MSRA: variants seen among roughly 807,000 people sequenced by gnomAD.
MSRA encodes methionine sulfoxide reductase A.
In MSRA, 54 loss-of-function variants were observed where a neutral mutation model predicts 31.3. The ratio of observed to expected loss-of-function variants is 1.73; its 90% confidence interval spans 1.39 to 2.17. The LOEUF (loss-of-function observed/expected upper bound fraction) is 2.17, where lower values mean the gene tolerates loss of function less well. Ranked by LOEUF, MSRA falls within the 30% of genes most tolerant of loss-of-function variation. MSRA has a pLI of 0.00. For synonymous variants in MSRA, 169 were observed against 116.5 expected (o/e 1.45, Z -2.90); for missense variants, 507 against 300.9 (o/e 1.69, Z -5.07).
chr8:10,381,656 T>C (rs1376708601), intron 5 of MSRA, among the ~76,000 whole-genome samples: 1 of 152,208 alleles, frequency 6.6e-6, no homozygotes, highest in Non-Finnish European at 1.5e-5. Context: ...TTTCAGGAGT[T>C]GCTAGACTGA....
chr8:10,144,375 G>C (rs1353425925), intron 1 of MSRA, among the ~76,000 whole-genome samples: 2 of 151,190 alleles, frequency 1.3e-5, no homozygotes, highest in Non-Finnish European at 2.9e-5. Flanking sequence ...CTGAGTTTCA[G>C]TACCTAAAAC....
chr8:10,286,055 T>C (rs561578446), intron 3 of MSRA, among the ~76,000 whole-genome samples: 13 of 152,206 alleles, frequency 8.5e-5, no homozygotes, highest in African/African-American at 2.9e-4. Context: ...GGGGTTCTGA[T>C]ACTGTGGGCA....
At chr8:10,252,372 A>G (rs1334134032) in intron 3 of MSRA, among the ~76,000 whole-genome samples, 3 of 152,134 alleles carry the variant, frequency 2.0e-5, no homozygotes, top group African/African-American at 4.8e-5. Context: ...AAGAGATCAT[A>G]GTTTTGTCAT....
At chr8:10,294,992 C>G (rs1234568845) in intron 3 of MSRA, among the ~76,000 whole-genome samples, 1 of 152,086 alleles carries the variant, frequency 6.6e-6, no homozygotes, top group Admixed American at 6.5e-5. Flanking sequence ...TGCTGAGAGA[C>G]CAAAGAATGA....
At chr8:10,072,652 C>T (rs982810843) in intron 1 of MSRA, among the ~76,000 whole-genome samples, 2 of 152,164 alleles carry the variant, frequency 1.3e-5, no homozygotes, top group Non-Finnish European at 2.9e-5. Context: ...ACAGAAAAAC[C>T]TTGCTAGGAT....
intron 1 of MSRA, among the ~76,000 whole-genome samples, chr8:10,073,659 G>A (rs1394747822): frequency 1.3e-5 from 2 of 151,780 alleles, no homozygotes; most frequent in Non-Finnish European, 2.9e-5. Context: ...CCTAGAGCTT[G>A]AGCCATTGGC....
chr8:10,351,313 G>T (rs1464285717), intron 5 of MSRA, among the ~76,000 whole-genome samples: 1 of 146,250 alleles, frequency 6.8e-6, no homozygotes, highest in Non-Finnish European at 1.5e-5. Context: ...GAATGCAGTG[G>T]CGTGATCTTG....
chr8:10,422,393 C>G (rs1808866803), intron 5 of MSRA, among the ~76,000 whole-genome samples: 1 of 152,132 alleles, frequency 6.6e-6, no homozygotes, highest in South Asian at 2.1e-4. Flanking sequence ...GGCAGAAAAG[C>G]TGAGTCCAAG....
At chr8:10,359,738 CGATCTCAGATGGAGGAT>C (rs1804731320) in intron 5 of MSRA, among the ~76,000 whole-genome samples, 1 of 151,884 alleles carries the variant, frequency 6.6e-6, no homozygotes, top group South Asian at 2.1e-4. Flanking sequence ...AGATGGAGGA[CGATCTCAGATGGAGGAT>C]GGTCTCAGAT....
At chr8:10,265,533 G>A (rs1398723156) in intron 3 of MSRA, among the ~76,000 whole-genome samples, 2 of 152,216 alleles carry the variant, frequency 1.3e-5, no homozygotes, top group African/African-American at 4.8e-5. Context: ...CAGGCAGCTA[G>A]CCCATAGCAG....
At chr8:10,178,041 A>G (rs1156750173) in intron 1 of MSRA, among the ~76,000 whole-genome samples, 4 of 152,202 alleles carry the variant, frequency 2.6e-5, no homozygotes, top group African/African-American at 9.6e-5. Flanking sequence ...TTTCCAGGAC[A>G]AATATTTTAC....
chr8:10,304,795 C>G (rs1801037838), intron 4 of MSRA, among the ~76,000 whole-genome samples: 1 of 152,220 alleles, frequency 6.6e-6, no homozygotes. Flanking sequence ...GTAAGACTGA[C>G]TGTTCTTACT....
At chr8:10,185,074 C>T (rs1287152678) in intron 1 of MSRA, among the ~76,000 whole-genome samples, 1 of 152,172 alleles carries the variant, frequency 6.6e-6, no homozygotes, top group Non-Finnish European at 1.5e-5. Context: ...CCAACATTTA[C>T]CATGAAATCC....
At chr8:10,075,337 A>G (rs1295739892) in intron 1 of MSRA, among the ~76,000 whole-genome samples, 1 of 152,202 alleles carries the variant, frequency 6.6e-6, no homozygotes, top group African/African-American at 2.4e-5. Context: ...AATTCAGGCC[A>G]ATAGGTATTA....
chr8:10,256,412 G>A (rs1798182694), intron 3 of MSRA, among the ~76,000 whole-genome samples: 2 of 152,142 alleles, frequency 1.3e-5, no homozygotes, highest in East Asian at 1.9e-4. Flanking sequence ...TGACAATTAC[G>A]GATGAAGCTG....
intron 1 of MSRA, among the ~76,000 whole-genome samples, chr8:10,162,554 G>T (rs959160840): frequency 2.6e-5 from 4 of 152,142 alleles, no homozygotes; most frequent in African/African-American, 4.8e-5. Flanking sequence ...GAGGACTGGC[G>T]GCCGTCAGTG....
rs1278291533 is a variant in MSRA at position 10,319,914 on chromosome 8, G to C, written c.468G>C (p.Gln156His). 1 of 1,596,098 alleles carries C rather than the reference G, an allele frequency of 6.3e-7. No individual in the cohort carries two copies. Among genetic ancestry groups the C allele is most frequent in the African/African-American group, 1.3e-5 (1 of 74,384 alleles). ...GCCAGGGGAACGACCATGGCACTCA[G>C]TACCGCTCGGCCATCTACCCGACCT... Reference protein sequence around the residue: ...GMRQGNDHGTQYRSAIYPTSA... With the variant: ...GMRQGNDHGTHYRSAIYPTSA... Residue 156 changes from glutamine to histidine, a missense_variant, in exon 5 of 6, where the codon CAG becomes CAC. Transcript: ENST00000317173.
At chr8:10,403,411 A>T (rs12548025) in intron 5 of MSRA, among the ~76,000 whole-genome samples, 43,091 of 152,094 alleles carry the variant, frequency 0.28, 7,227 homozygotes, top group Non-Finnish European at 0.38. Context: ...GGAAGCTGGG[A>T]TGATGGGATC....
chr8:10,160,691 G>A (rs957626166), intron 1 of MSRA, among the ~76,000 whole-genome samples: 10 of 152,110 alleles, frequency 6.6e-5, no homozygotes, highest in African/African-American at 2.2e-4. Context: ...TACCACACCT[G>A]GCTAATTTTT....
Sources: allele counts gnomAD v4.1 joint callset (sites outside exome capture counted in the v4.1 genomes callset), GRCh38; gene constraint gnomAD v4.1.1; transcripts MANE v1.5; gene names NCBI Gene and HGNC (gene_info 2026-07-23, HGNC 2026-07-21).